DAAM2: variants seen among roughly 807,000 people sequenced by gnomAD.
DAAM2 encodes the protein disheveled-associated activator of morphogenesis 2.
In DAAM2, 39 loss-of-function variants were observed where a neutral mutation model predicts 120.7. The observed-to-expected ratio is 0.32, with a 90% CI of 0.25 to 0.42. The LOEUF is 0.42. Ranked by LOEUF, DAAM2 falls within the 10% of genes least tolerant of loss-of-function variation. The pLI is 1.00. For missense variants in DAAM2, 1,283 were observed against 1,401.7 expected, an observed-to-expected ratio of 0.92 and a Z score of 1.35; for synonymous variants, 488 against 524.9, an observed-to-expected ratio of 0.93 and a Z score of 0.96.
chr6:39,802,673 A>G (rs1200294042), intron 1 of DAAM2, among the ~76,000 whole-genome samples: 2 of 152,214 alleles, frequency 1.3e-5, no homozygotes, highest in African/African-American at 2.4e-5. Context: ...TTTGCTGTCT[A>G]CTGCCTACCT....
rs118165642 is a variant in DAAM2, at chr6:39,883,623, C to T, written c.1846-339C>T. ...GGGGAGTGGGCCTGTGTGAAGTACC[C>T]TGAGTGCAGCTTCTGACTTTGCTTT... is the stretch of plus-strand genomic sequence containing the variant. On this transcript the variant is annotated intron_variant, in intron 14 of 24. Coordinates refer to ENST00000274867, the MANE Select transcript of DAAM2 (RefSeq NM_001201427.2). The T allele has an allele frequency of 5.9e-4, 157 of 265,214 alleles. 3 individuals are homozygous for T. In the East Asian group the frequency reaches 0.012, roughly 21 times the overall value. 16.4% of individuals were successfully genotyped at this position (265,214 alleles called of 1,614,324 possible).
At chr6:39,870,297 T>G in intron 7 of DAAM2, 43 bp from the exon 8 acceptor site, 6 of 1,274,478 alleles carry the variant, frequency 4.7e-6, no homozygotes, top group African/African-American at 1.5e-5. Flanking sequence ...TTGTGGAAAC[T>G]GAGATCTGCC....
At chr6:39,825,601 C>T (rs1293632877) in intron 1 of DAAM2, among the ~76,000 whole-genome samples, 2 of 152,118 alleles carry the variant, frequency 1.3e-5, no homozygotes, top group Non-Finnish European at 2.9e-5. Flanking sequence ...CACACCCTCT[C>T]CATCGTACCA....
intron 1 of DAAM2, 34 bp from the exon 2 acceptor site, chr6:39,856,213 G>C: frequency 7.4e-7 from 1 of 1,348,810 alleles, no homozygotes; most frequent in Non-Finnish European, 9.5e-7. Flanking sequence ...CTGACTGTAT[G>C]CCTGACCACC....
chr6:39,806,794 T>C (rs1381320375), intron 1 of DAAM2, among the ~76,000 whole-genome samples: 4 of 110,784 alleles, frequency 3.6e-5, no homozygotes, highest in Admixed American at 2.2e-4. Context: ...GGGAAATACA[T>C]AAATTAAAAT....
chr6:39,843,600 T>C (rs1393428010), intron 1 of DAAM2, among the ~76,000 whole-genome samples: 1 of 152,176 alleles, frequency 6.6e-6, no homozygotes, highest in Admixed American at 6.5e-5. Flanking sequence ...GGACTCCTTG[T>C]TCAAAAATTA....
intron 17 of DAAM2, among the ~76,000 whole-genome samples, chr6:39,890,937 T>TA (rs998734957): frequency 1.3e-4 from 19 of 151,018 alleles, no homozygotes; most frequent in South Asian, 4.2e-4. Context: ...AATAAAAAAA[T>TA]AAAAAAAATT....
At chr6:39,883,645 CT>C in intron 14 of DAAM2, 1 of 287,340 alleles carries the variant, frequency 3.5e-6, no homozygotes. Flanking sequence ...TCTGACTTTG[CT>C]TTTGGAAAAA....
rs1424097124 is a variant in DAAM2, at chr6:39,856,424, C to T, written c.122C>T (p.Pro41Leu). ...CTGCAGTTCATGGAGTTCTCCAGCC[C>T]CATCCCGAACGCAGAGGAGCTCAAC... ...HPLQFMEFSS[P>L]IPNAEELNIR... The change falls in exon 2 of 25, where the codon CCC becomes CTC. Residue 41 changes from proline (P) to leucine (L), a missense_variant. This residue lies in a region of DAAM2 where 197 missense variants were observed against 189.3 expected (regional missense o/e 1.04). Coordinates refer to ENST00000274867, the MANE Select transcript of DAAM2 (RefSeq NM_001201427.2). The T allele has an allele frequency of 6.6e-7, 1 of 1,521,332 alleles. No individual in the cohort carries two copies. The highest frequency in any genetic ancestry group is 8.8e-7 in the Non-Finnish European group (1 of 1,134,792). The allele number at this position is 1,521,332 out of a possible 1,614,324, so 94.2% of individuals were successfully genotyped here. A position where few individuals can be genotyped will look rare whatever the true frequency, so the allele number is the denominator to read the frequency against.
intron 15 of DAAM2, chr6:39,886,657 T>G: frequency 2.6e-6 from 1 of 390,956 alleles, no homozygotes; most frequent in Non-Finnish European, 4.5e-6. Context: ...GCAGTGGAGG[T>G]CAATGTCTCC....
At chr6:39,833,782 GA>G (rs1763005296) in intron 1 of DAAM2, among the ~76,000 whole-genome samples, 1 of 151,606 alleles carries the variant, frequency 6.6e-6, no homozygotes, top group Non-Finnish European at 1.5e-5. Context: ...GAAAGAAAAG[GA>G]AAAAAAAGGA....
chr6:39,874,868 G>C (rs1764806051), intron 10 of DAAM2, among the ~76,000 whole-genome samples: 1 of 152,128 alleles, frequency 6.6e-6, no homozygotes, highest in Non-Finnish European at 1.5e-5. Flanking sequence ...GTGCACACCT[G>C]CAATCAGTTT....
intron 1 of DAAM2, among the ~76,000 whole-genome samples, chr6:39,800,556 G>C (rs1761831180): frequency 6.6e-6 from 1 of 152,164 alleles, no homozygotes; most frequent in African/African-American, 2.4e-5. Context: ...GTGGACACTG[G>C]GCTGTGCTCT....
rs752314144 is a variant in DAAM2, at chr6:39,901,262, C to T, written c.2812-40C>T. 6.3e-7 allele frequency: 1 copy of T among 1,579,052 alleles called. No homozygotes were observed. Among genetic ancestry groups the T allele is most frequent in the South Asian group, 1.2e-5 (1 of 86,668 alleles). On this transcript the variant is annotated intron_variant, in intron 23 of 24. Transcript: ENST00000274867. This position sits in a 1 kb window ranked among gnomAD's most constrained non-coding sequence, Gnocchi z 4.5. Reference sequence around the variant, plus strand: ...CCTCAGGGGCTGAGCCCAGCATGCTCCAGGGCACTCTCCACCAATCCTGTT... The same window carrying T: ...CCTCAGGGGCTGAGCCCAGCATGCTTCAGGGCACTCTCCACCAATCCTGTT...
intron 1 of DAAM2, among the ~76,000 whole-genome samples, chr6:39,855,885 CAG>C (rs1270085886): frequency 1.3e-5 from 2 of 152,178 alleles, no homozygotes. Context: ...TTACGGAAGA[CAG>C]GGAATAGGAG....
intron 1 of DAAM2, among the ~76,000 whole-genome samples, chr6:39,835,720 C>T (rs927914521): frequency 1.3e-5 from 2 of 152,106 alleles, no homozygotes; most frequent in Admixed American, 1.3e-4. Context: ...CATGGGTTGG[C>T]GAAGATGCCG....
At chr6:39,851,393 T>C (rs1274444105) in intron 1 of DAAM2, among the ~76,000 whole-genome samples, 1 of 152,244 alleles carries the variant, frequency 6.6e-6, no homozygotes, top group Non-Finnish European at 1.5e-5. Context: ...TTTTGGTTTT[T>C]TCTCCATAAG....
chr6:39,853,677 G>T (rs902770607), intron 1 of DAAM2, among the ~76,000 whole-genome samples: 1 of 152,192 alleles, frequency 6.6e-6, no homozygotes, highest in Admixed American at 6.5e-5. Context: ...GGAGACTAGG[G>T]AACAAGAGGC....
At chr6:39,886,679 G>A (rs1043137212) in intron 15 of DAAM2, 3 of 385,518 alleles carry the variant, frequency 7.8e-6, no homozygotes, top group African/African-American at 6.2e-5. Flanking sequence ...GGAATGAGGA[G>A]AAGGCTTCTA....
Sources: allele counts gnomAD v4.1 joint callset (sites outside exome capture counted in the v4.1 genomes callset), GRCh38; gene constraint gnomAD v4.1.1; regional missense constraint gnomAD v4.1.1; non-coding constraint Gnocchi (gnomAD v3.1); transcripts MANE v1.5; gene names NCBI Gene and HGNC (gene_info 2026-07-23, HGNC 2026-07-21).